FBRSL1: variants seen among roughly 807,000 people sequenced by gnomAD.
The protein encoded by FBRSL1 is fibrosin-1-like protein.
In FBRSL1, 51 loss-of-function variants were observed where a neutral mutation model predicts 89.6. The observed-to-expected ratio is 0.57, with a 90% CI of 0.45 to 0.72. FBRSL1 has a LOEUF of 0.72. FBRSL1 is among the 30% of genes least tolerant of loss of function. FBRSL1 has a pLI of 0.00. For missense variants in FBRSL1, 1,618 were observed against 1,451.8 expected (o/e 1.11, Z -1.86); for synonymous variants, 779 against 681.1 (o/e 1.14, Z -2.24).
chr12:132,543,678 C>T (rs1011023932), intron 4 of FBRSL1, among the ~76,000 whole-genome samples: 2 of 152,224 alleles, frequency 1.3e-5, no homozygotes, highest in Admixed American at 6.5e-5. Flanking sequence ...TGTCCACCCA[C>T]GGGTGAGGGT....
chr12:132,576,960 G>A (rs1289145292), intron 15 of FBRSL1, 29 bp downstream of exon 15: 3 of 1,538,742 alleles, frequency 1.9e-6, no homozygotes, highest in East Asian at 2.5e-5. Flanking sequence ...CAGGTGGGGG[G>A]CACAGAAACC....
At chr12:132,529,047 T>C (rs1457466832) in intron 4 of FBRSL1, among the ~76,000 whole-genome samples, 1 of 152,172 alleles carries the variant, frequency 6.6e-6, no homozygotes, top group Non-Finnish European at 1.5e-5. Flanking sequence ...AGGAGGAACA[T>C]TAATGACAAC....
chr12:132,517,795 T>G (rs901685527), intron 2 of FBRSL1, among the ~76,000 whole-genome samples: 3 of 152,078 alleles, frequency 2.0e-5, no homozygotes, highest in African/African-American at 7.2e-5. Context: ...CAACGTGAGC[T>G]CCTGTGTTTT....
intron 6 of FBRSL1, among the ~76,000 whole-genome samples, chr12:132,569,612 G>C (rs991897978): frequency 6.6e-6 from 1 of 152,194 alleles, no homozygotes; most frequent in African/African-American, 2.4e-5. Context: ...AGCAGCCCCT[G>C]TCCAGGGACT....
intron 18 of FBRSL1, 127 bp downstream of exon 18, chr12:132,582,393 C>T (rs1285518334): frequency 3.0e-5 from 20 of 666,342 alleles, no homozygotes; most frequent in African/African-American, 2.7e-4. Context: ...CACCGTTCCC[C>T]CTCCCCCTGT....
chr12:132,502,877 CCCCGCCCTCT>C (rs1437943427), intron 1 of FBRSL1, among the ~76,000 whole-genome samples: 1 of 146,068 alleles, frequency 6.8e-6, no homozygotes, highest in African/African-American at 2.5e-5. Flanking sequence ...CCTCTCCTGT[CCCCGCCCTCT>C]CCTGTCCACC....
In FBRSL1 at chr12:132,576,383, G is replaced by C. The variant is rs2138029786; in HGVS notation, c.1702-416G>C. Among the ~76,000 whole-genome samples, 2 of 152,080 alleles carry C rather than the reference G, an allele frequency of 1.3e-5. 1 individual carries two copies. The highest frequency in any genetic ancestry group is 4.2e-4 in the South Asian group (2 of 4,812). ...AATTTTTGTATTTTTAGTAAAGACG[G>C]GGTTTCGCCATGTTGGCCAGGCTGG... On this transcript the variant is annotated intron_variant, in intron 14 of 18. Coordinates refer to ENST00000680143, the MANE Select transcript of FBRSL1 (RefSeq NM_001367871.1).
chr12:132,572,632 C>A lies in FBRSL1; in HGVS notation c.1530+10C>A, dbSNP rs760837740. On this transcript the variant is annotated intron_variant, in intron 11 of 18. Transcript: ENST00000680143. ...CGCTTTTCAGCCTAAGGTACCGCTG[C>A]CCCTGGCAGGTGGGGCGGGCACAGC... 6.5e-6 allele frequency: 10 copies of A among 1,543,060 alleles called. No homozygotes were observed. Among genetic ancestry groups the A allele is most frequent in the Non-Finnish European group, 8.8e-6 (10 of 1,141,096 alleles).
chr12:132,549,131 G>A (rs1194490681), intron 5 of FBRSL1, among the ~76,000 whole-genome samples: 2 of 152,196 alleles, frequency 1.3e-5, no homozygotes, highest in African/African-American at 4.8e-5. Flanking sequence ...AAGAAGTCAA[G>A]GTAAGTCGCC....
At chr12:132,536,919 G>T (rs1415873163) in intron 4 of FBRSL1, among the ~76,000 whole-genome samples, 1 of 152,258 alleles carries the variant, frequency 6.6e-6, no homozygotes, top group East Asian at 1.9e-4. Context: ...GTCTTTGCAT[G>T]CATGTATATG....
chr12:132,551,512 C>G, intron 5 of FBRSL1: 2 of 456,334 alleles, frequency 4.4e-6, no homozygotes, highest in Non-Finnish European at 8.8e-6. Flanking sequence ...GGGCGCATGT[C>G]TCAGGCCAGT....
intron 14 of FBRSL1, 42 bp from the exon 15 acceptor site, chr12:132,576,757 C>A: frequency 6.5e-7 from 1 of 1,535,264 alleles, no homozygotes; most frequent in Non-Finnish European, 8.8e-7. Flanking sequence ...TGTTCAGGGC[C>A]AGTCCCCGGG....
chr12:132,516,084 G>C (rs2034816705), intron 2 of FBRSL1, among the ~76,000 whole-genome samples: 1 of 152,042 alleles, frequency 6.6e-6, no homozygotes, highest in African/African-American at 2.4e-5. Flanking sequence ...ACACGAAAAA[G>C]GTGAAATGGG....
chr12:132,553,114 G>C (rs953311731), intron 5 of FBRSL1: 1 of 152,648 alleles, frequency 6.6e-6, no homozygotes, highest in Non-Finnish European at 1.5e-5. Flanking sequence ...ACTTCTGGGA[G>C]CATCTTCCTG....
At chr12:132,577,506 C>T (rs958889095) in intron 15 of FBRSL1, among the ~76,000 whole-genome samples, 10 of 152,092 alleles carry the variant, frequency 6.6e-5, no homozygotes, top group Non-Finnish European at 1.0e-4. Context: ...GGCCCAGCTG[C>T]GGTGGTTTCC....
intron 4 of FBRSL1, among the ~76,000 whole-genome samples, chr12:132,545,885 G>A (rs2037646734): frequency 6.6e-6 from 1 of 152,212 alleles, no homozygotes. Context: ...CTCACTGGGG[G>A]TCCCCAGAAA....
At chr12:132,542,965 C>T (rs929703823) in intron 4 of FBRSL1, among the ~76,000 whole-genome samples, 14 of 152,238 alleles carry the variant, frequency 9.2e-5, no homozygotes, top group African/African-American at 2.4e-4. Flanking sequence ...AACCCCAACC[C>T]GTAGCCGCCC....
intron 1 of FBRSL1, among the ~76,000 whole-genome samples, chr12:132,503,465 G>A (rs1047504452): frequency 6.6e-6 from 1 of 152,274 alleles, no homozygotes; most frequent in Non-Finnish European, 1.5e-5. Flanking sequence ...CGCCCTGGGC[G>A]GGGGGAGATG....
At chr12:132,559,023 GTGGGCGC>G (rs1343852306) in intron 5 of FBRSL1, among the ~76,000 whole-genome samples, 1 of 152,268 alleles carries the variant, frequency 6.6e-6, no homozygotes, top group Non-Finnish European at 1.5e-5. Context: ...TTCCACCTGA[GTGGGCGC>G]TGGGATGGAA....
Sources: allele counts gnomAD v4.1 joint callset (sites outside exome capture counted in the v4.1 genomes callset), GRCh38; gene constraint gnomAD v4.1.1; transcripts MANE v1.5; gene names NCBI Gene and HGNC (gene_info 2026-07-23, HGNC 2026-07-21).